The following DAB1 variants were observed in gnomAD, a reference collection of about 807,000 sequenced individuals.
The protein encoded by DAB1 is disabled homolog 1.
A neutral mutation model predicts 64.6 loss-of-function variants in DAB1; 15 were observed. The observed-to-expected ratio is 0.23, with a 90% confidence interval of 0.16 to 0.36. The LOEUF is 0.36. Among genes scored for constraint, DAB1 ranks in the 10% least tolerant of loss-of-function variants. The pLI, the probability that DAB1 is intolerant of heterozygous loss-of-function variation, is 1.00. For synonymous variants in DAB1, 235 were observed against 251.9 expected (o/e 0.93, Z 0.64); for missense variants, 596 against 706.7 (o/e 0.84, Z 1.78).
intron 4 of DAB1, among the ~76,000 whole-genome samples, chr1:58,300,634 GA>G (rs1413311774): frequency 0.015 from 987 of 64,176 alleles, 62 homozygotes; most frequent in Non-Finnish European, 0.019. Context: ...GAGAGAGAGA[GA>G]GAGAGAGAGA....
chr1:57,093,981 C>A (rs144759824), intron 4 of DAB1, among the ~76,000 whole-genome samples: 1 of 151,860 alleles, frequency 6.6e-6, no homozygotes, highest in African/African-American at 2.4e-5. Context: ...GTGGTGTGCA[C>A]GCCTGTAATA....
intron 1 of DAB1, among the ~76,000 whole-genome samples, chr1:57,294,987 A>G (rs1673069611): frequency 6.6e-6 from 1 of 152,202 alleles, no homozygotes; most frequent in Non-Finnish European, 1.5e-5. Flanking sequence ...TATGTTGCAT[A>G]CTGTATGATT....
At chr1:57,890,456 C>CTTT (rs71246207) in intron 5 of DAB1, among the ~76,000 whole-genome samples, 21 of 136,620 alleles carry the variant, frequency 1.5e-4, no homozygotes, top group African/African-American at 2.2e-4. Flanking sequence ...CTTTTCTTTT[C>CTTT]TTTTTTTTTT....
chr1:58,338,773 T>C (rs1663182556), intron 4 of DAB1, among the ~76,000 whole-genome samples: 1 of 152,174 alleles, frequency 6.6e-6, no homozygotes, highest in African/African-American at 2.4e-5. Flanking sequence ...CATCAATAGA[T>C]AACTTCATAA....
At chr1:57,865,854 T>C (rs1654276275) in intron 1 of DAB1, among the ~76,000 whole-genome samples, 1 of 152,216 alleles carries the variant, frequency 6.6e-6, no homozygotes, top group African/African-American at 2.4e-5. Flanking sequence ...AAATGCCATA[T>C]ACTGGGTGGG....
intron 6 of DAB1, among the ~76,000 whole-genome samples, chr1:57,725,321 C>T (rs1217188411): frequency 6.6e-6 from 1 of 152,198 alleles, no homozygotes; most frequent in Non-Finnish European, 1.5e-5. Flanking sequence ...TCAAGACTCA[C>T]AGCATTCTCT....
intron 5 of DAB1, among the ~76,000 whole-genome samples, chr1:57,955,020 T>C (rs1645359556): frequency 6.6e-6 from 1 of 152,236 alleles, no homozygotes; most frequent in Admixed American, 6.5e-5. Context: ...TAAAGAGGCA[T>C]AGCGGCCCTG....
At chr1:58,344,014 G>T (rs1207020982) in intron 3 of DAB1, among the ~76,000 whole-genome samples, 3 of 152,150 alleles carry the variant, frequency 2.0e-5, no homozygotes, top group African/African-American at 7.2e-5. Flanking sequence ...TCTCCTTAAT[G>T]ATAAAATGAC....
intron 7 of DAB1, among the ~76,000 whole-genome samples, chr1:57,529,030 G>C (rs1273515184): frequency 6.6e-6 from 1 of 151,808 alleles, no homozygotes; most frequent in African/African-American, 2.4e-5. Flanking sequence ...ATATAGAAGG[G>C]TATATAACAC....
At chr1:57,197,331 G>T (rs1309710846) in intron 2 of DAB1, among the ~76,000 whole-genome samples, 1 of 134,626 alleles carries the variant, frequency 7.4e-6, no homozygotes, top group Non-Finnish European at 1.6e-5. Context: ...GTGACAGAGA[G>T]AGACTTCATC....
intron 5 of DAB1, among the ~76,000 whole-genome samples, chr1:57,998,343 C>T (rs897276940): frequency 6.6e-6 from 1 of 151,722 alleles, no homozygotes; most frequent in Non-Finnish European, 1.5e-5. Context: ...CAAATGATGT[C>T]ACTGGGTAAT....
chr1:58,429,499 C>A (rs543882110), intron 3 of DAB1, among the ~76,000 whole-genome samples: 2 of 152,188 alleles, frequency 1.3e-5, no homozygotes, highest in Non-Finnish European at 2.9e-5. Context: ...CAGAGGAAGG[C>A]CTTTCCCTGT....
intron 5 of DAB1, among the ~76,000 whole-genome samples, chr1:57,998,540 C>G (rs1570198512): frequency 6.6e-6 from 1 of 151,798 alleles, no homozygotes; most frequent in Admixed American, 6.6e-5. Context: ...ATTTTTGTAT[C>G]TTTAGTAGAG....
In DAB1 at chr1:58,073,011, T is replaced by C. The variant is rs532123985; in HGVS notation, n.387+77500A>G. On this transcript the variant is annotated intron_variant and non_coding_transcript_variant, in intron 5 of 20. Coordinates refer to the DAB1 transcript ENST00000485760. ...ATAACTCATTTAATATTCACCAACCTTAATGAGGTAGTTACTGTTATTTGT... is the reference window on the plus strand; with the variant it reads ...ATAACTCATTTAATATTCACCAACCCTAATGAGGTAGTTACTGTTATTTGT... Among the ~76,000 whole-genome samples, 6 of 152,302 alleles carry C rather than the reference T, an allele frequency of 3.9e-5. No individual in the cohort carries two copies. In the South Asian group the frequency reaches 1.2e-3, roughly 32 times the overall value.
At chr1:58,496,230 T>C (rs1167598166) in intron 3 of DAB1, among the ~76,000 whole-genome samples, 1 of 152,104 alleles carries the variant, frequency 6.6e-6, no homozygotes. Context: ...ATCTTCCGCA[T>C]CAATGAGTCT....
intron 5 of DAB1, among the ~76,000 whole-genome samples, chr1:57,907,238 T>C (rs1301597984): frequency 6.6e-6 from 1 of 152,138 alleles, no homozygotes; most frequent in Non-Finnish European, 1.5e-5. Flanking sequence ...CACCAAGCAC[T>C]CAGGCACGGT....
At chr1:58,239,817 T>G (rs547326453) in intron 4 of DAB1, among the ~76,000 whole-genome samples, 76 of 152,044 alleles carry the variant, frequency 5.0e-4, no homozygotes, top group South Asian at 4.2e-3. Flanking sequence ...CAACTCTGAG[T>G]GGAGCAATAA....
intron 7 of DAB1, among the ~76,000 whole-genome samples, chr1:57,469,468 C>T (rs1687067288): frequency 6.6e-6 from 1 of 152,176 alleles, no homozygotes; most frequent in African/African-American, 2.4e-5. Flanking sequence ...CTCATCACTG[C>T]ATCTCTGACA....
intron 1 of DAB1, among the ~76,000 whole-genome samples, chr1:57,873,334 C>T (rs1643986377): frequency 6.6e-6 from 1 of 152,120 alleles, no homozygotes. Flanking sequence ...GCAGGGTCTG[C>T]TTGCTCCTTA....
Sources: allele counts gnomAD v4.1 joint callset (sites outside exome capture counted in the v4.1 genomes callset), GRCh38; gene constraint gnomAD v4.1.1; transcripts MANE v1.5; gene names NCBI Gene and HGNC (gene_info 2026-07-23, HGNC 2026-07-21).